The following B3GAT2 variants were observed in gnomAD, a reference collection of about 807,000 sequenced individuals.
B3GAT2 encodes the protein beta-1,3-glucuronyltransferase 2, also known as galactosylgalactosylxylosylprotein 3-beta-glucuronosyltransferase 2.
In B3GAT2, 26 loss-of-function variants were observed where a neutral mutation model predicts 27.8. The ratio of observed to expected loss-of-function variants is 0.93; its 90% confidence interval spans 0.68 to 1.30. The LOEUF is 1.30. B3GAT2 is among the 50% of genes most tolerant of loss of function. The pLI is 0.00. For missense variants in B3GAT2, 458 were observed against 459.0 expected, an observed-to-expected ratio of 1.00 and a Z score of 0.02; for synonymous variants, 218 against 195.1, an observed-to-expected ratio of 1.12 and a Z score of -0.98.
Position 70,955,949 on chromosome 6 carries a change from T to C in B3GAT2, c.481A>G (p.Asn161Asp), listed in dbSNP as rs1199557412. ...PGLPRATEQR[N>D]AGLAWLRQRH... ...TGGCGCAGCCAGGCGAGGCCCGCGTTGCGCTGCTCAGTGGCGCGCGGCAGC... is the reference window on the plus strand; with the variant it reads ...TGGCGCAGCCAGGCGAGGCCCGCGTCGCGCTGCTCAGTGGCGCGCGGCAGC... The change falls in exon 1 of 4, where the codon AAC (asparagine) becomes GAC (aspartate). Residue 161 changes from asparagine to aspartate, a missense_variant. Transcript: ENST00000230053. The C allele has an allele frequency of 6.4e-7, 1 of 1,564,378 alleles. No individual in the cohort carries two copies. Among genetic ancestry groups the C allele is most frequent in the Non-Finnish European group, 8.6e-7 (1 of 1,158,048 alleles).
At chr6:70,932,637 A>G (rs1042606973) in intron 1 of B3GAT2, among the ~76,000 whole-genome samples, 3 of 152,204 alleles carry the variant, frequency 2.0e-5, no homozygotes, top group African/African-American at 7.2e-5. Flanking sequence ...ATAATTGTGA[A>G]TGTGTATTTT....
At chr6:70,953,840 TC>T (rs2150054174) in intron 1 of B3GAT2, among the ~76,000 whole-genome samples, 1 of 152,274 alleles carries the variant, frequency 6.6e-6, no homozygotes, top group Admixed American at 6.5e-5. Context: ...TTTTATATTT[TC>T]CCCCATATGG....
intron 1 of B3GAT2, among the ~76,000 whole-genome samples, chr6:70,947,793 G>C (rs1765516234): frequency 6.6e-6 from 1 of 152,090 alleles, no homozygotes; most frequent in African/African-American, 2.4e-5. Context: ...GAGAATTTTA[G>C]ACCAATATCC....
intron 1 of B3GAT2, among the ~76,000 whole-genome samples, chr6:70,924,727 G>A (rs1467214950): frequency 6.6e-6 from 1 of 152,160 alleles, no homozygotes; most frequent in Non-Finnish European, 1.5e-5. Flanking sequence ...ATTGGGTCAA[G>A]CTAACTTTGG....
intron 1 of B3GAT2, among the ~76,000 whole-genome samples, chr6:70,945,024 A>G (rs921709513): frequency 6.6e-6 from 1 of 151,922 alleles, no homozygotes; most frequent in African/African-American, 2.4e-5. Context: ...TGTCTGTTAG[A>G]AGGAAAACTA....
In B3GAT2 at chr6:70,861,599, C is replaced by T. The variant is rs1771730169; in HGVS notation, c.*64G>A. 6.8e-7 allele frequency: 1 copy of T among 1,476,668 alleles called. No individual in the cohort carries two copies. The highest frequency in any genetic ancestry group is 2.3e-5 in the East Asian group (1 of 43,982). The allele number at this position is 1,476,668 out of a possible 1,614,324, so 91.5% of individuals were successfully genotyped here. On this transcript the variant is annotated 3_prime_UTR_variant, in exon 4 of 4. Transcript: ENST00000230053. ...ATACCTGAATGCTCTGTAGCCTAAA[C>T]TCCAAACATCCTCTTCCATATGGAT...
At chr6:70,929,138 C>T (rs941379679) in intron 1 of B3GAT2, among the ~76,000 whole-genome samples, 2 of 151,778 alleles carry the variant, frequency 1.3e-5, no homozygotes, top group East Asian at 3.9e-4. Flanking sequence ...CATGTTCTCA[C>T]TCATAGGTGG....
chr6:70,914,073 T>C (rs1335773539), intron 1 of B3GAT2, among the ~76,000 whole-genome samples: 1 of 152,192 alleles, frequency 6.6e-6, no homozygotes, highest in Admixed American at 6.5e-5. Context: ...TTTGAGCCTA[T>C]GGGTAGCTCT....
At chr6:70,955,531 G>A (rs1377860982) in intron 1 of B3GAT2, among the ~76,000 whole-genome samples, 2 of 151,552 alleles carry the variant, frequency 1.3e-5, no homozygotes, top group Admixed American at 1.3e-4. Context: ...CCTGGCCCCT[G>A]GAAATCATTC....
intron 1 of B3GAT2, among the ~76,000 whole-genome samples, chr6:70,896,891 C>T (rs926909823): frequency 9.2e-5 from 14 of 152,118 alleles, no homozygotes; most frequent in Admixed American, 6.6e-5. Flanking sequence ...CAAGTTTATG[C>T]GAATTTCTTT....
chr6:70,926,355 G>T (rs1432878527), intron 1 of B3GAT2, among the ~76,000 whole-genome samples: 2 of 152,206 alleles, frequency 1.3e-5, no homozygotes, highest in Non-Finnish European at 2.9e-5. Flanking sequence ...GGCTTCAGAA[G>T]ATTGGTAATA....
At chr6:70,953,034 C>T (rs1454476252) in intron 1 of B3GAT2, among the ~76,000 whole-genome samples, 1 of 152,186 alleles carries the variant, frequency 6.6e-6, no homozygotes, top group African/African-American at 2.4e-5. Context: ...TTTATCTTAT[C>T]CACTTTAACA....
chr6:70,913,221 CTT>C (rs1467202641), intron 1 of B3GAT2, among the ~76,000 whole-genome samples: 6 of 152,008 alleles, frequency 3.9e-5, no homozygotes, highest in Non-Finnish European at 8.8e-5. Context: ...TTGGTTTGCT[CTT>C]GTTTTTCTAG....
At chr6:70,899,546 G>A (rs1274994891) in intron 1 of B3GAT2, among the ~76,000 whole-genome samples, 1 of 152,178 alleles carries the variant, frequency 6.6e-6, no homozygotes, top group Admixed American at 6.5e-5. Flanking sequence ...TTCCAGGTAT[G>A]CTACATTTTA....
At chr6:70,941,073 G>T (rs1765384571) in intron 1 of B3GAT2, among the ~76,000 whole-genome samples, 1 of 152,090 alleles carries the variant, frequency 6.6e-6, no homozygotes, top group Middle Eastern at 3.4e-3. Context: ...TTTAACTCTT[G>T]TCCCTGTAAT....
At chr6:70,935,734 C>A (rs868858626) in intron 1 of B3GAT2, among the ~76,000 whole-genome samples, 1 of 152,134 alleles carries the variant, frequency 6.6e-6, no homozygotes, top group East Asian at 1.9e-4. Flanking sequence ...GCCTGCCTTA[C>A]AAGAGCTCCT....
Position 70,860,984 on chromosome 6 carries a change from T to C in B3GAT2, c.*679A>G, listed in dbSNP as rs1372864677. ...AATTTGGATCTCTTCTTAATGTACA[T>C]AGTGCTAACATGAAGACCTTTTTCT... On this transcript the variant is annotated 3_prime_UTR_variant, in exon 4 of 4. Coordinates refer to ENST00000230053, the MANE Select transcript of B3GAT2 (RefSeq NM_080742.3). The C allele has an allele frequency of 2.2e-5, 7 of 324,578 alleles. No homozygotes were observed. Among genetic ancestry groups the C allele is most frequent in the African/African-American group, 1.3e-4 (6 of 47,236 alleles). 20.1% of individuals were successfully genotyped at this position (324,578 alleles called of 1,614,324 possible). A position where few individuals can be genotyped will look rare whatever the true frequency, so the allele number is the denominator to read the frequency against.
At position 70,956,970 on chromosome 6, in the gene B3GAT2, G is replaced by A. The variant is rs1325916296; in HGVS notation, c.-541C>T. 26 of 1,005,910 alleles carry A rather than the reference G, an allele frequency of 2.6e-5. No homozygotes were observed. Among genetic ancestry groups the A allele is most frequent in the Non-Finnish European group, 3.1e-5 (26 of 844,136 alleles). The allele number at this position is 1,005,910 out of a possible 1,614,324, so 62.3% of individuals were successfully genotyped here. A position where few individuals can be genotyped will look rare whatever the true frequency, so the allele number is the denominator to read the frequency against. On this transcript the variant is annotated 5_prime_UTR_variant, in exon 1 of 4. Coordinates refer to ENST00000230053, the MANE Select transcript of B3GAT2 (RefSeq NM_080742.3). ...CGAGGAGCGGGTGGAGACGCTGGGG[G>A]TTGTGTCCCGGCTGTGTTCGCGCGC...
At chr6:70,890,409 T>C (rs1772268358) in intron 2 of B3GAT2, among the ~76,000 whole-genome samples, 1 of 152,160 alleles carries the variant, frequency 6.6e-6, no homozygotes, top group South Asian at 2.1e-4. Context: ...TTTCCTAGAC[T>C]TCACCTGTAT....
Sources: allele counts gnomAD v4.1 joint callset (sites outside exome capture counted in the v4.1 genomes callset), GRCh38; gene constraint gnomAD v4.1.1; transcripts MANE v1.5; gene names NCBI Gene and HGNC (gene_info 2026-07-23, HGNC 2026-07-21).